Variants in PRPF19 observed in about 807,000 individuals in gnomAD.
PRPF19 encodes the protein pre-mRNA-processing factor 19.
PRPF19 carries 2 observed loss-of-function variants against 64.2 expected under a neutral mutation model. That is an observed-to-expected ratio of 0.03 (90% CI 0.01 to 0.10). The LOEUF is 0.10. PRPF19 is among the 10% of genes least tolerant of loss of function. The probability of loss-of-function intolerance (pLI) is 1.00; values close to 1 mark genes in which losing one functional copy is unlikely to be tolerated. For synonymous variants in PRPF19, 226 were observed against 251.6 expected (o/e 0.90, Z 0.96); for missense variants, 314 against 650.0 (o/e 0.48, Z 5.62).
At chr11:60,893,076 T>G (rs1382774093) in intron 15 of PRPF19, among the ~76,000 whole-genome samples, 1 of 152,332 alleles carries the variant, frequency 6.6e-6, no homozygotes, top group East Asian at 1.9e-4. Context: ...AAGATTACAG[T>G]GGAGCTGAAA....
In PRPF19 at chr11:60,901,522, C is replaced by T. The variant is rs1855984066; in HGVS notation, c.544G>A (p.Val182Met). The change falls in exon 7 of 16, where the codon GTG (valine) becomes ATG (methionine). Residue 182 changes from valine (V) to methionine (M), a missense_variant. Val to Met is a conservative substitution (Grantham distance 21). Around this residue, in one of 7 missense-constraint regions of PRPF19, gnomAD observed 175 missense variants for 342.9 expected, o/e 0.51. Transcript: ENST00000227524. ...ACCTTCTTGCGCTCCGTGGTTAGCA[C>T]AGTGGCTTTGTCTTGAAGCTGGGGA... ...IIQKLQDKAT[V>M]LTTERKKRGK... 6.2e-7 allele frequency: 1 copy of T among 1,614,094 alleles called. No homozygotes were observed. Among genetic ancestry groups the T allele is most frequent in the Admixed American group, 1.7e-5 (1 of 60,004 alleles).
rs1856035397 is a variant in PRPF19, at chr11:60,905,439, T to G, written c.19+925A>C. 2.0e-5 allele frequency: 3 copies of G among 152,120 alleles called. No homozygotes were observed. In the South Asian group the frequency reaches 6.2e-4, roughly 31 times the overall value. The allele number at this position is 152,120 out of a possible 1,614,324, so 9.4% of individuals were successfully genotyped here. ...CCCTTCCTTCTTCCCCCTCTTTGGA[T>G]CAATGTACAGGTTCTGAGAAGAGAA... On this transcript the variant is annotated intron_variant, in intron 1 of 15. Transcript: ENST00000227524.
At chr11:60,897,567 T>C (rs942391220) in intron 15 of PRPF19, 11 of 320,192 alleles carry the variant, frequency 3.4e-5, no homozygotes, top group Non-Finnish European at 6.4e-5. Flanking sequence ...CTAATGTTCA[T>C]TTATTTTAGA....
chr11:60,896,430 G>T (rs561252554), intron 15 of PRPF19, among the ~76,000 whole-genome samples: 1 of 152,326 alleles, frequency 6.6e-6, no homozygotes, highest in Non-Finnish European at 1.5e-5. Context: ...ATCTTGAATT[G>T]TAGTGCCCAT....
At chr11:60,897,520 A>G (rs1282730615) in intron 15 of PRPF19, 1 of 236,008 alleles carries the variant, frequency 4.2e-6, no homozygotes, top group Non-Finnish European at 8.3e-6. Flanking sequence ...TCCCGTGCAT[A>G]TGCACGTAAT....
intron 10 of PRPF19, among the ~76,000 whole-genome samples, chr11:60,900,058 C>G (rs893148599): frequency 2.0e-5 from 3 of 152,212 alleles, no homozygotes; most frequent in Non-Finnish European, 2.9e-5. Context: ...CCATGTCCTG[C>G]AGCCCCAAAC....
rs1182273804 is a variant in PRPF19, at chr11:60,890,808, A to C, written c.*358T>G. On this transcript the variant is annotated 3_prime_UTR_variant, in exon 16 of 16. Transcript: ENST00000227524. The stretch of plus-strand genomic sequence containing the variant: ...AAGCCCTCCTGCCCATCCCCTTCAC[A>C]GTTCCCTTGGCTCAGCCTCTCCTGT... The C allele has an allele frequency of 4.2e-6, 2 of 474,370 alleles. No individual in the cohort carries two copies. Among genetic ancestry groups the C allele is most frequent in the Non-Finnish European group, 8.4e-6 (2 of 239,144 alleles). 29.4% of individuals were successfully genotyped at this position (474,370 alleles called of 1,614,324 possible). A position where few individuals can be genotyped will look rare whatever the true frequency, so the allele number is the denominator to read the frequency against.
At chr11:60,901,778 C>T (rs1565111510) in intron 6 of PRPF19, among the ~76,000 whole-genome samples, 1 of 152,154 alleles carries the variant, frequency 6.6e-6, no homozygotes, top group Non-Finnish European at 1.5e-5. Context: ...AAGTCAATTG[C>T]CCAAGGTCGC....
Position 60,903,606 on chromosome 11 carries a change from T to C in PRPF19, c.170-71A>G, listed in dbSNP as rs1856009905. The C allele has an allele frequency of 2.5e-5, 40 of 1,596,154 alleles. No homozygotes were observed. In the South Asian group the frequency reaches 4.0e-4, roughly 16 times the overall value. On this transcript the variant is annotated intron_variant, in intron 2 of 15. Coordinates refer to ENST00000227524, the MANE Select transcript of PRPF19 (RefSeq NM_014502.5). ...CCCCCGCCATCACATCTTTTCCTTT[T>C]AGCCATAAACAGCCCACCATCTCTT...
chr11:60,892,581 G>C (rs1033157765), intron 15 of PRPF19, among the ~76,000 whole-genome samples: 1 of 152,166 alleles, frequency 6.6e-6, no homozygotes, highest in African/African-American at 2.4e-5. Flanking sequence ...CAACCCCACT[G>C]AGTCTATAGT....
Position 60,906,437 on chromosome 11 carries a change from G to A in PRPF19, c.-55C>T. ...ACGCCGGGCTCCGGGACTAGCTTCT[G>A]AGCCTCCGCGAGCCACTTCCGGTCC... On this transcript the variant is annotated 5_prime_UTR_variant, in exon 1 of 16. Transcript: ENST00000227524. The A allele has an allele frequency of 1.3e-6, 2 of 1,483,060 alleles. No individual in the cohort carries two copies. Among genetic ancestry groups the A allele is most frequent in the Non-Finnish European group, 1.8e-6 (2 of 1,109,938 alleles). 91.9% of individuals were successfully genotyped at this position (1,483,060 alleles called of 1,614,324 possible). A position where few individuals can be genotyped will look rare whatever the true frequency, so the allele number is the denominator to read the frequency against.
In PRPF19 at chr11:60,895,223, T is replaced by C. The variant is rs187120392; in HGVS notation, c.1417+2623A>G. On this transcript the variant is annotated intron_variant, in intron 15 of 15. Coordinates refer to ENST00000227524, the MANE Select transcript of PRPF19 (RefSeq NM_014502.5). ...CCAATAGAAGGCTATTCCGTCTACA[T>C]TGAAAATCTGTTGTTGAGTGTACCC... Among the ~76,000 whole-genome samples the C allele has an allele frequency of 5.3e-5, 8 of 152,362 alleles. No individual in the cohort carries two copies. In the East Asian group the frequency reaches 5.8e-4, roughly 11 times the overall value.
rs1856000451 is a variant in PRPF19 at position 60,902,985 on chromosome 11, G to C, written c.247-104C>G. On this transcript the variant is annotated intron_variant, in intron 3 of 15. Coordinates refer to ENST00000227524, the MANE Select transcript of PRPF19 (RefSeq NM_014502.5). The surrounding 1 kb of genome is among the most constrained non-coding windows in gnomAD (Gnocchi z 5.0). ...ATGCTGCCTCCTATCCCAGAGCCTA[G>C]ACCAGTATCAGTGACCCAAACAATA... 3 of 1,498,754 alleles carry C rather than the reference G, an allele frequency of 2.0e-6. No individual in the cohort carries two copies. Among genetic ancestry groups the C allele is most frequent in the Non-Finnish European group, 2.7e-6 (3 of 1,122,434 alleles). 92.8% of individuals were successfully genotyped at this position (1,498,754 alleles called of 1,614,324 possible). A position where few individuals can be genotyped will look rare whatever the true frequency, so the allele number is the denominator to read the frequency against.
In PRPF19 at chr11:60,891,009, T is replaced by C. The variant is rs1032245620; in HGVS notation, c.*157A>G. Reference sequence around the variant, plus strand: ...TGGATGAGGGTGGTCCATGCCACCATGGTTCTCAGGCCACCACTCAGACCA... The same window carrying C: ...TGGATGAGGGTGGTCCATGCCACCACGGTTCTCAGGCCACCACTCAGACCA... On this transcript the variant is annotated 3_prime_UTR_variant, in exon 16 of 16. Coordinates refer to ENST00000227524, the MANE Select transcript of PRPF19 (RefSeq NM_014502.5). 39 of 641,464 alleles carry C rather than the reference T, an allele frequency of 6.1e-5. No homozygotes were observed. Among genetic ancestry groups the C allele is most frequent in the South Asian group, 2.9e-4 (16 of 55,876 alleles). 39.7% of individuals were successfully genotyped at this position (641,464 alleles called of 1,614,324 possible).
Position 60,899,191 on chromosome 11 carries a change from A to G in PRPF19, c.942T>C (p.Leu314=). The change falls in exon 11 of 16, where the codon CTT becomes CTC. Residue 314 remains leucine (L), a synonymous_variant. Coordinates refer to ENST00000227524, the MANE Select transcript of PRPF19 (RefSeq NM_014502.5). ...TCAGGAGATAGTCGCCAGTGGCATG[A>G]AGGCTGAGGCCTGTCACAGCACTCT... ...AHESAVTGLS[L]HATGDYLLSS... The G allele has an allele frequency of 6.2e-7, 1 of 1,613,916 alleles. No individual in the cohort carries two copies. The highest frequency in any genetic ancestry group is 8.5e-7 in the Non-Finnish European group (1 of 1,179,918).
At chr11:60,906,277 C>A in intron 1 of PRPF19, 87 bp downstream of exon 1, 1 of 1,499,112 alleles carries the variant, frequency 6.7e-7, no homozygotes, top group East Asian at 2.7e-5. Flanking sequence ...GCCTCCACCC[C>A]GGCCCGGGCG....
At position 60,891,080 on chromosome 11, in the gene PRPF19, C is replaced by CCCACA; in HGVS notation, c.*85_*86insTGTGG. ...CCCACCCCACAGAGCCCCCTCCCCC[C>CCCACA]ATAGATTCCCCCCACCCCCCCCCCC... On this transcript the variant is annotated 3_prime_UTR_variant, in exon 16 of 16. Transcript: ENST00000227524. 9 of 185,960 alleles carry CCCACA rather than the reference C, an allele frequency of 4.8e-5. No individual in the cohort carries two copies. The highest frequency in any genetic ancestry group is 1.1e-4 in the South Asian group (3 of 27,508). The allele number at this position is 185,960 out of a possible 1,614,324, so 11.5% of individuals were successfully genotyped here.
At chr11:60,894,618 T>C (rs773048750) in intron 15 of PRPF19, among the ~76,000 whole-genome samples, 57 of 152,234 alleles carry the variant, frequency 3.7e-4, no homozygotes, top group African/African-American at 1.2e-3. Context: ...CAAACTCCTC[T>C]TTATGTTCAT....
chr11:60,893,421 T>C (rs769069922), intron 15 of PRPF19, among the ~76,000 whole-genome samples: 6 of 151,896 alleles, frequency 4.0e-5, no homozygotes, highest in Non-Finnish European at 8.8e-5. Context: ...GGAGAATCAC[T>C]TGAACCCAGG....
Sources: gnomAD v4.1 joint callset for allele counts (sites outside exome capture counted in the v4.1 genomes callset) on GRCh38, gnomAD v4.1.1 for gene constraint, gnomAD v4.1.1 regional missense constraint, Gnocchi (gnomAD v3.1) non-coding constraint, MANE v1.5 for transcripts, NCBI Gene and HGNC (gene_info 2026-07-23, HGNC 2026-07-21) for gene names.